ZNF292: variants seen among roughly 807,000 people sequenced by gnomAD.
ZNF292 encodes the protein 16 zinc-finger domain protein.
ZNF292 carries 26 observed loss-of-function variants against 217.9 expected under a neutral mutation model. The observed-to-expected ratio is 0.12, with a 90% confidence interval of 0.09 to 0.17. ZNF292 has a LOEUF of 0.17. ZNF292 is among the 10% of genes least tolerant of loss of function. ZNF292 has a pLI of 1.00. For synonymous variants in ZNF292, 1,257 were observed against 1,124.1 expected, an observed-to-expected ratio of 1.12 and a Z score of -2.37; for missense variants, 2,904 against 3,175.2, an observed-to-expected ratio of 0.91 and a Z score of 2.05.
intron 4 of ZNF292, chr6:87,222,738 A>C (rs183432424): frequency 2.3e-5 from 10 of 439,622 alleles, no homozygotes; most frequent in Admixed American, 1.9e-4. Context: ...ACATTTCCTT[A>C]GTTTTTACCT....
chr6:87,238,517 A>G (rs1469976460), intron 5 of ZNF292, among the ~76,000 whole-genome samples: 2 of 151,320 alleles, frequency 1.3e-5, no homozygotes, highest in Non-Finnish European at 2.9e-5. Flanking sequence ...TAATGATAGT[A>G]ATAACATTGG....
In ZNF292 at chr6:87,264,468, G is replaced by C. The variant is rs1009956466; in HGVS notation, c.*2667G>C. On this transcript the variant is annotated 3_prime_UTR_variant, in exon 8 of 8. Transcript: ENST00000369577. ...TTTTATCAAGTGAGCAGTCACAGTTGCTGTAGATAATATGAAAGTACAATA... is the reference window on the plus strand; with the variant it reads ...TTTTATCAAGTGAGCAGTCACAGTTCCTGTAGATAATATGAAAGTACAATA... 1.3e-5 allele frequency among the ~76,000 whole-genome samples: 2 copies of C among 152,208 alleles called. No homozygotes were observed. The highest frequency in any genetic ancestry group is 2.4e-5 in the African/African-American group (1 of 41,444).
At chr6:87,216,838 G>A (rs1436973959) in intron 3 of ZNF292, among the ~76,000 whole-genome samples, 4 of 151,956 alleles carry the variant, frequency 2.6e-5, no homozygotes, top group East Asian at 3.8e-4. Flanking sequence ...AGATCACATA[G>A]TAGTTATTCG....
intron 4 of ZNF292, among the ~76,000 whole-genome samples, chr6:87,227,462 G>C (rs948878001): frequency 2.6e-5 from 4 of 151,644 alleles, no homozygotes; most frequent in Admixed American, 6.6e-5. Flanking sequence ...ACACACACAA[G>C]ATAAAATGTA....
rs776273321 is a variant in ZNF292, at chr6:87,259,387, T to A, written c.5758T>A (p.Phe1920Ile). The A allele has an allele frequency of 1.2e-6, 2 of 1,611,034 alleles. No homozygotes were observed. Among genetic ancestry groups the A allele is most frequent in the Non-Finnish European group, 1.7e-6 (2 of 1,178,430 alleles). The change falls in exon 8 of 8, where the codon TTT (phenylalanine) becomes ATT (isoleucine). Residue 1920 changes from phenylalanine to isoleucine, a missense_variant. Phe to Ile is a conservative substitution (Grantham distance 21, BLOSUM62 0). Around this residue, in one of 15 missense-constraint regions of ZNF292, gnomAD observed 50 missense variants for 90.5 expected, o/e 0.55. Coordinates refer to ENST00000369577, the MANE Select transcript of ZNF292 (RefSeq NM_015021.3). ...CAGTGCTATGACAAAGGATGCACTA[T>A]TTAAGCACTATGGTAAAATTCATCA... ...NYSAMTKDALFKHYGKIHQYT... is the reference protein window; with the variant it reads ...NYSAMTKDALIKHYGKIHQYT...
chr6:87,244,096 A>G (rs1774448312), intron 6 of ZNF292, among the ~76,000 whole-genome samples: 1 of 152,194 alleles, frequency 6.6e-6, no homozygotes, highest in Non-Finnish European at 1.5e-5. Context: ...AGTCAACAGC[A>G]CTATTAGTCT....
At chr6:87,158,139 T>G (rs1770607753) in intron 1 of ZNF292, among the ~76,000 whole-genome samples, 1 of 152,168 alleles carries the variant, frequency 6.6e-6, no homozygotes, top group Admixed American at 6.5e-5. Flanking sequence ...CAAAAAAACA[T>G]CAAACACTAA....
At position 87,259,914 on chromosome 6, in the gene ZNF292, G is replaced by T. The variant is rs1206263581; in HGVS notation, c.6285G>T (p.Lys2095Asn). 2 of 1,613,528 alleles carry T rather than the reference G, an allele frequency of 1.2e-6. No homozygotes were observed. The highest frequency in any genetic ancestry group is 3.3e-5 in the Admixed American group (2 of 59,944). ...HKKEKEEKKR[K>N]KPVSQSLEFP... The stretch of plus-strand genomic sequence containing the variant: ...AAGAAAAGGAGGAGAAAAAACGAAA[G>T]AAGCCAGTTTCCCAATCCCTTGAGT... Residue 2095 changes from lysine (K) to asparagine (N), a missense_variant, in exon 8 of 8, where the codon AAG becomes AAT. Physicochemically the swap from Lys to Asn is moderately conservative, Grantham distance 94 (BLOSUM62 0). Around this residue, in one of 15 missense-constraint regions of ZNF292, gnomAD observed 261 missense variants for 272.8 expected, o/e 0.96. Coordinates refer to ENST00000369577, the MANE Select transcript of ZNF292 (RefSeq NM_015021.3).
In ZNF292 at chr6:87,255,421, G is replaced by C; in HGVS notation, c.1792G>C (p.Glu598Gln). ...VTLHVKQSSK[E>Q]RLAAMKPLRR... ...ACTGCATGTTAAACAATCTAGTAAAGAGAGACTAGCAGCTATGAAACCATT... is the reference window on the plus strand; with the variant it reads ...ACTGCATGTTAAACAATCTAGTAAACAGAGACTAGCAGCTATGAAACCATT... The change falls in exon 8 of 8, where the codon GAG becomes CAG. Residue 598 changes from glutamate to glutamine, a missense_variant. Physicochemically the swap from Glu to Gln is conservative, Grantham distance 29. Transcript: ENST00000369577. 1.2e-6 allele frequency: 2 copies of C among 1,613,750 alleles called. No homozygotes were observed. The highest frequency in any genetic ancestry group is 1.7e-6 in the Non-Finnish European group (2 of 1,179,828).
intron 7 of ZNF292, chr6:87,249,257 G>T: frequency 5.1e-6 from 1 of 195,920 alleles, no homozygotes; most frequent in South Asian, 5.8e-5. Flanking sequence ...CCCCTAAGTA[G>T]CTGGGACTAC....
chr6:87,231,390 C>T (rs575153685), intron 4 of ZNF292, among the ~76,000 whole-genome samples: 1 of 152,242 alleles, frequency 6.6e-6, no homozygotes, highest in South Asian at 2.1e-4. Flanking sequence ...ACTCATTCTA[C>T]TCCTCGCTAT....
chr6:87,205,118 G>C (rs1389347754), intron 1 of ZNF292, among the ~76,000 whole-genome samples: 1 of 152,032 alleles, frequency 6.6e-6, no homozygotes, highest in Non-Finnish European at 1.5e-5. Context: ...CTGTCTTCAG[G>C]CTGTAGTGCA....
chr6:87,168,237 T>C (rs1770978506), intron 1 of ZNF292, among the ~76,000 whole-genome samples: 1 of 152,210 alleles, frequency 6.6e-6, no homozygotes, highest in African/African-American at 2.4e-5. Flanking sequence ...TCAAATTGCC[T>C]TGTAGGACCT....
At chr6:87,227,286 G>T (rs1042845833) in intron 4 of ZNF292, among the ~76,000 whole-genome samples, 1 of 152,136 alleles carries the variant, frequency 6.6e-6, no homozygotes, top group Non-Finnish European at 1.5e-5. Context: ...ATAGACCAGT[G>T]CCAGGGCCCT....
chr6:87,261,261 A>T lies in ZNF292; in HGVS notation c.7632A>T (p.Lys2544Asn). The T allele has an allele frequency of 6.2e-7, 1 of 1,610,510 alleles. No homozygotes were observed. Among genetic ancestry groups the T allele is most frequent in the African/African-American group, 1.3e-5 (1 of 74,596 alleles). ...AAAAAAATGTCTCACAAAATAAAAA[A>T]AGGAAAGTTGAAAAAGCTGAACCAG... ...NKEKNVSQNK[K>N]RKVEKAEPAS... The change falls in exon 8 of 8, where the codon AAA (lysine) becomes AAT (asparagine). Residue 2544 changes from lysine (K) to asparagine (N), a missense_variant. This residue lies in a region of ZNF292 where 380 missense variants were observed against 355.3 expected (regional missense o/e 1.07). Transcript: ENST00000369577.
intron 1 of ZNF292, among the ~76,000 whole-genome samples, chr6:87,166,857 G>T (rs1339597561): frequency 2.0e-5 from 3 of 152,118 alleles, no homozygotes; most frequent in South Asian, 4.1e-4. Context: ...ATGCTTTGAT[G>T]TAGTAAGTTC....
rs916689648 is a variant in ZNF292 at position 87,196,629 on chromosome 6, A to G, written c.169-19274A>G. ...ATTCAGAAGCTATGCACTTACTCAA[A>G]GTTGATATACTGTGGTAACTAAGTG... On this transcript the variant is annotated intron_variant, in intron 1 of 7. Coordinates refer to ENST00000369577, the MANE Select transcript of ZNF292 (RefSeq NM_015021.3). Among the ~76,000 whole-genome samples, 9 of 152,198 alleles carry G rather than the reference A, an allele frequency of 5.9e-5. 1 individual carries two copies. The highest frequency in any genetic ancestry group is 4.6e-4 in the Admixed American group (7 of 15,286).
chr6:87,248,411 G>C (rs1774720903), intron 7 of ZNF292, among the ~76,000 whole-genome samples: 1 of 152,004 alleles, frequency 6.6e-6, no homozygotes, highest in Admixed American at 6.6e-5. Context: ...TTGTTAACTT[G>C]TCCTGATTTT....
chr6:87,191,101 T>G (rs1035864196), intron 1 of ZNF292, among the ~76,000 whole-genome samples: 1 of 152,164 alleles, frequency 6.6e-6, no homozygotes, highest in Non-Finnish European at 1.5e-5. Context: ...TGATAAATCT[T>G]GGTCATGATT....
Sources: gnomAD v4.1 joint callset for allele counts (sites outside exome capture counted in the v4.1 genomes callset) on GRCh38, gnomAD v4.1.1 for gene constraint, gnomAD v4.1.1 regional missense constraint, MANE v1.5 for transcripts, NCBI Gene and HGNC (gene_info 2026-07-23, HGNC 2026-07-21) for gene names.